Variants in TRPM4 observed in about 807,000 individuals in gnomAD.
TRPM4 encodes calcium-activated non-selective cation channel 1.
Under a neutral mutation model 135.6 loss-of-function variants are expected in TRPM4, and 124 were observed. The observed-to-expected ratio is 0.91, with a 90% confidence interval of 0.79 to 1.06. TRPM4 has a LOEUF of 1.06. TRPM4 is among the 50% of genes least tolerant of loss of function. TRPM4 has a pLI of 0.00. For synonymous variants in TRPM4, 745 were observed against 705.6 expected, an observed-to-expected ratio of 1.06 and a Z score of -0.88; for missense variants, 1,658 against 1,671.4, an observed-to-expected ratio of 0.99 and a Z score of 0.14.
At chr19:49,199,557 C>G (rs1202536711) in intron 17 of TRPM4, among the ~76,000 whole-genome samples, 3 of 152,146 alleles carry the variant, frequency 2.0e-5, no homozygotes, top group African/African-American at 7.2e-5. Flanking sequence ...CTGCGACCGG[C>G]CACCCTCCCG....
chr19:49,181,462 G>A lies in TRPM4; in HGVS notation c.1263+1G>A, dbSNP rs1321828986. 6.8e-6 allele frequency: 11 copies of A among 1,611,590 alleles called. No homozygotes were observed. In the African/African-American group the frequency reaches 9.4e-5, roughly 14 times the overall value. The stretch of plus-strand genomic sequence containing the variant: ...CTTTCGGGGGGACATCCAATGGCGG[G>A]TGAGGGGTCAGGGCCTGGGGGTTGG... On this transcript the variant is annotated splice_donor_variant, in intron 10 of 24. Coordinates refer to ENST00000252826, the MANE Select transcript of TRPM4 (RefSeq NM_017636.4). LOFTEE classifies it high-confidence loss of function.
chr19:49,176,041 A>G (rs925611758), intron 9 of TRPM4, among the ~76,000 whole-genome samples: 1 of 150,626 alleles, frequency 6.6e-6, no homozygotes, highest in South Asian at 2.1e-4. Flanking sequence ...CTCCTGCCTC[A>G]GCCTCCTGAG....
At chr19:49,166,288 G>A in intron 3 of TRPM4, 73 bp downstream of exon 3, 1 of 1,477,020 alleles carries the variant, frequency 6.8e-7, no homozygotes, top group East Asian at 2.5e-5. Context: ...GTGGAGCCGG[G>A]ACGCCCGCCC....
Position 49,166,166 on chromosome 19 carries a change from A to G in TRPM4, c.218A>G (p.Asp73Gly). 1 of 1,609,268 alleles carries G rather than the reference A, an allele frequency of 6.2e-7. No homozygotes were observed. The highest frequency in any genetic ancestry group is 1.1e-5 in the South Asian group (1 of 90,118). The change falls in exon 3 of 25, where the codon GAT becomes GGT. Residue 73 changes from aspartate (D) to glycine (G), a missense_variant. Coordinates refer to ENST00000252826, the MANE Select transcript of TRPM4 (RefSeq NM_017636.4). ...SDAHTTEKPT[D>G]AYGELDFTGA... is the part of the protein sequence containing the mutation. ...GCACACACCACGGAGAAGCCCACCG[A>G]TGCCTACGGAGAGCTGGACTTCACG...
chr19:49,184,041 G>A (rs559335080), intron 12 of TRPM4, among the ~76,000 whole-genome samples: 52 of 152,244 alleles, frequency 3.4e-4, no homozygotes, highest in African/African-American at 1.0e-3. Flanking sequence ...GATTACAGGC[G>A]TGAGCCACTG....
chr19:49,188,841 C>G (rs1442351519), intron 13 of TRPM4, 71 bp downstream of exon 13: 13 of 1,612,538 alleles, frequency 8.1e-6, no homozygotes, highest in Admixed American at 1.7e-5. Context: ...ACTCCGCACT[C>G]CTCACATATC....
At chr19:49,166,783 T>C (rs925728045) in intron 3 of TRPM4, among the ~76,000 whole-genome samples, 6 of 151,086 alleles carry the variant, frequency 4.0e-5, no homozygotes, top group Non-Finnish European at 8.9e-5. Flanking sequence ...TGTCTCTGTC[T>C]CTCTGGGCCT....
chr19:49,161,733 G>A (rs1340114477), intron 2 of TRPM4, among the ~76,000 whole-genome samples: 7 of 151,704 alleles, frequency 4.6e-5, no homozygotes, highest in Non-Finnish European at 7.4e-5. Flanking sequence ...GGGTTCAAGC[G>A]ATTCTCCTGC....
intron 19 of TRPM4, 77 bp from the exon 20 acceptor site, chr19:49,201,887 C>G (rs1414843722): frequency 2.0e-6 from 3 of 1,518,390 alleles, no homozygotes; most frequent in African/African-American, 2.7e-5. Context: ...AGGCGTGAGC[C>G]ACCGCGCCCG....
At chr19:49,203,657 T>G (rs1969037096) in intron 20 of TRPM4, among the ~76,000 whole-genome samples, 1 of 152,186 alleles carries the variant, frequency 6.6e-6, no homozygotes, top group African/African-American at 2.4e-5. Flanking sequence ...CTCCAGTGTA[T>G]TTTCTGTCTC....
At chr19:49,179,757 T>G (rs1296287065) in intron 9 of TRPM4, among the ~76,000 whole-genome samples, 2 of 152,228 alleles carry the variant, frequency 1.3e-5, no homozygotes, top group Non-Finnish European at 2.9e-5. Flanking sequence ...CCGCTCTGAA[T>G]GGACGTCTGG....
intron 9 of TRPM4, among the ~76,000 whole-genome samples, chr19:49,178,150 G>A (rs1443376315): frequency 6.6e-6 from 1 of 152,106 alleles, no homozygotes; most frequent in African/African-American, 2.4e-5. Flanking sequence ...GGGCAGCATA[G>A]TGAGACCCCA....
At chr19:49,175,928 CTTT>C (rs34213157) in intron 9 of TRPM4, among the ~76,000 whole-genome samples, 1 of 109,224 alleles carries the variant, frequency 9.2e-6, no homozygotes, top group Non-Finnish European at 1.8e-5. Flanking sequence ...CGCCCGGCCT[CTTT>C]TTTTTTTTTT....
At chr19:49,198,478 CTCTACTAAAA>C (rs1968781388) in intron 17 of TRPM4, among the ~76,000 whole-genome samples, 1 of 151,976 alleles carries the variant, frequency 6.6e-6, no homozygotes, top group Non-Finnish European at 1.5e-5. Flanking sequence ...GAAACCCCAT[CTCTACTAAAA>C]ATACAAAAAA....
intron 9 of TRPM4, among the ~76,000 whole-genome samples, chr19:49,178,797 C>T (rs8100949): frequency 0.34 from 51,280 of 150,742 alleles, 9,111 homozygotes; most frequent in African/African-American, 0.44. Flanking sequence ...CTTGCTCTGT[C>T]GTCCAGGCTG....
intron 16 of TRPM4, among the ~76,000 whole-genome samples, chr19:49,194,171 C>G (rs761469041): frequency 2.6e-5 from 4 of 151,790 alleles, no homozygotes; most frequent in Admixed American, 1.3e-4. Context: ...TCCTCCTGCT[C>G]CTGCTTCTCC....
In TRPM4 at chr19:49,188,709, T is replaced by G; in HGVS notation, c.1812T>G (p.Pro604=). 6.2e-7 allele frequency: 1 copy of G among 1,614,190 alleles called. No individual in the cohort carries two copies. The highest frequency in any genetic ancestry group is 8.5e-7 in the Non-Finnish European group (1 of 1,180,038). ...TCCGGGTGATGGCACGCCTGGAGCC[T>G]GACGCTGAGGAGGCAGCACGGAGGA... ...LLLRVMARLE[P]DAEEAARRKD... is the part of the protein sequence containing the mutation. Residue 604 remains proline (P), a synonymous_variant, in exon 13 of 25, where the codon CCT becomes CCG. Coordinates refer to ENST00000252826, the MANE Select transcript of TRPM4 (RefSeq NM_017636.4).
chr19:49,202,593 T>A (rs1006956244), intron 20 of TRPM4, among the ~76,000 whole-genome samples: 1 of 152,038 alleles, frequency 6.6e-6, no homozygotes, highest in Non-Finnish European at 1.5e-5. Context: ...CAAGTGATCC[T>A]CCCTCCTCAG....
chr19:49,158,630 G>A (rs1465574012), intron 2 of TRPM4: 1 of 248,374 alleles, frequency 4.0e-6, no homozygotes, highest in East Asian at 1.1e-4. Flanking sequence ...ATCCATCCAT[G>A]CAAGAAACCC....
Sources: gnomAD v4.1 joint callset for allele counts (sites outside exome capture counted in the v4.1 genomes callset) on GRCh38, gnomAD v4.1.1 for gene constraint, MANE v1.5 for transcripts, NCBI Gene and HGNC (gene_info 2026-07-23, HGNC 2026-07-21) for gene names.